Variants in TNK1 observed in about 807,000 individuals in gnomAD.
TNK1 encodes the protein non-receptor tyrosine-protein kinase TNK1.
In TNK1, 53 loss-of-function variants were observed where a neutral mutation model predicts 65.2. The ratio of observed to expected loss-of-function variants is 0.81; its 90% CI spans 0.65 to 1.02. TNK1 has a LOEUF of 1.02. TNK1 is among the 50% of genes least tolerant of loss of function. TNK1 has a pLI of 0.00. For missense variants in TNK1, 837 were observed against 878.4 expected (o/e 0.95, Z 0.60); for synonymous variants, 353 against 364.6 (o/e 0.97, Z 0.36).
chr17:7,386,751 C>T, intron 8 of TNK1, 96 bp downstream of exon 8: 3 of 1,211,932 alleles, frequency 2.5e-6, no homozygotes, highest in Non-Finnish European at 3.5e-6. Context: ...CTCCTTGAAC[C>T]CTGATCTTCT....
At position 7,388,802 on chromosome 17, in the gene TNK1, G is replaced by A. The variant is rs1905378999; in HGVS notation, c.1791G>A (p.Val597=). 18 of 1,607,476 alleles carry A rather than the reference G, an allele frequency of 1.1e-5. No homozygotes were observed. Among genetic ancestry groups the A allele is most frequent in the Non-Finnish European group, 1.2e-5 (14 of 1,176,846 alleles). Residue 597 remains valine, a synonymous_variant, in exon 12 of 13, where the codon GTG becomes GTA. Coordinates refer to ENST00000688331, the MANE Select transcript of TNK1 (RefSeq NM_003985.6). This position sits in a 1 kb window ranked among gnomAD's most constrained non-coding sequence, Gnocchi z 4.5. ...GTCTGTCACAGGTGGAGCTGAGTGT[G>A]CATGGGGTCACCCACCAGGAGTGCC... ...QRKIMEVELS[V]HGVTHQECQT...
Position 7,383,778 on chromosome 17 carries a change from C to A in TNK1, c.496C>A (p.Leu166Met). ...GATGGGCACAGAACTGGGGGACTTC[C>A]TGCGAGAGGTATCGGTCATGATGAA... ...GPMGTELGDF[L>M]REVSVMMNLE... is the part of the protein sequence containing the mutation. The change falls in exon 5 of 13, where the codon CTG (leucine) becomes ATG (methionine). Residue 166 changes from leucine to methionine, a missense_variant. Physicochemically the swap from Leu to Met is conservative, Grantham distance 15. Transcript: ENST00000688331. 6.2e-7 allele frequency: 1 copy of A among 1,613,000 alleles called. No individual in the cohort carries two copies. The highest frequency in any genetic ancestry group is 8.5e-7 in the Non-Finnish European group (1 of 1,179,474).
chr17:7,389,480 T>C lies in TNK1; in HGVS notation c.*396T>C. 2.4e-6 allele frequency: 1 copy of C among 416,388 alleles called. No homozygotes were observed. The highest frequency in any genetic ancestry group is 4.2e-6 in the Non-Finnish European group (1 of 235,910). 25.8% of individuals were successfully genotyped at this position (416,388 alleles called of 1,614,324 possible). A position where few individuals can be genotyped will look rare whatever the true frequency, so the allele number is the denominator to read the frequency against. On this transcript the variant is annotated 3_prime_UTR_variant, in exon 13 of 13. Coordinates refer to ENST00000688331, the MANE Select transcript of TNK1 (RefSeq NM_003985.6). ...CCTGAACTGCCATCAGCTACCACAC[T>C]GGACTCTGCAGGGCAGCCATCCTGG... is the stretch of plus-strand genomic sequence containing the variant.
At chr17:7,380,818 T>C (rs1376370511), upstream of TNK1, 3 of 152,234 alleles carry the variant, frequency 2.0e-5, no homozygotes, top group Non-Finnish European at 4.4e-5. Flanking sequence ...GAGTGAAGTC[T>C]GGGGAGGGCT....
At position 7,388,425 on chromosome 17, in the gene TNK1, G is replaced by T; in HGVS notation, c.1497G>T (p.Glu499Asp). Residue 499 changes from glutamate (E) to aspartate (D), a missense_variant, in exon 11 of 13, where the codon GAG (glutamate) becomes GAT (aspartate). Transcript: ENST00000688331. The surrounding 1 kb of genome is among the most constrained non-coding windows in gnomAD (Gnocchi z 4.5). ...ERMKGISRSL[E>D]SVLSLGPRPT... ...GTGCAGGCATTTCCAGGAGTCTGGA[G>T]TCAGTTCTGTCCCTCGGTCCTCGTC... The T allele has an allele frequency of 6.2e-7, 1 of 1,611,660 alleles. No individual in the cohort carries two copies. The highest frequency in any genetic ancestry group is 8.5e-7 in the Non-Finnish European group (1 of 1,178,648).
At chr17:7,385,548 C>T (rs1455390461) in intron 7 of TNK1, among the ~76,000 whole-genome samples, 6 of 149,594 alleles carry the variant, frequency 4.0e-5, no homozygotes, top group Non-Finnish European at 8.9e-5. Context: ...CTCTCAACCA[C>T]TGGATGAGGT....
chr17:7,381,834 G>T (rs1904831820), intron 1 of TNK1, among the ~76,000 whole-genome samples: 1 of 152,212 alleles, frequency 6.6e-6, no homozygotes, highest in East Asian at 1.9e-4. Flanking sequence ...AGCCGTGTGG[G>T]GCAGTGTATC....
At chr17:7,387,181 G>C in intron 9 of TNK1, 27 bp downstream of exon 9, 1 of 1,547,268 alleles carries the variant, frequency 6.5e-7, no homozygotes, top group Non-Finnish European at 8.7e-7. Flanking sequence ...GTGAGGGCAG[G>C]GGTTGGCTGG....
chr17:7,386,226 G>T lies in TNK1; in HGVS notation c.1138-335G>T, dbSNP rs561407074. On this transcript the variant is annotated intron_variant, in intron 7 of 12. Coordinates refer to ENST00000688331, the MANE Select transcript of TNK1 (RefSeq NM_003985.6). ...AGAGGTCTGGATGAGGGTAGAGGCG[G>T]TGGGGCTGCAGAGGAGTGGAAATTT... Among the ~76,000 whole-genome samples, 92 of 152,312 alleles carry T rather than the reference G, an allele frequency of 6.0e-4. No individual in the cohort carries two copies. The Middle Eastern group carries it at 0.017, about 28-fold the overall frequency.
Position 7,387,004 on chromosome 17 carries a change from T to C in TNK1, c.1247T>C (p.Ile416Thr). 1.3e-6 allele frequency: 2 copies of C among 1,576,102 alleles called. No homozygotes were observed. The highest frequency in any genetic ancestry group is 8.6e-7 in the Non-Finnish European group (1 of 1,160,934). Residue 416 changes from isoleucine (I) to threonine (T), a missense_variant, in exon 9 of 13, where the codon ATC becomes ACC. Ile to Thr is a moderately conservative substitution (Grantham distance 89). Coordinates refer to ENST00000688331, the MANE Select transcript of TNK1 (RefSeq NM_003985.6). ...TVIEGSPDST[I>T]WKGQNGRTFK... ...TCTTTCCACAGCCCCGACTCCACAATCTGGAAGGGCCAGAATGGTCGCACC... is the reference window on the plus strand; with the variant it reads ...TCTTTCCACAGCCCCGACTCCACAACCTGGAAGGGCCAGAATGGTCGCACC...
intron 7 of TNK1, among the ~76,000 whole-genome samples, chr17:7,385,092 C>T (rs1366155506): frequency 2.6e-5 from 4 of 152,104 alleles, no homozygotes; most frequent in African/African-American, 4.8e-5. Flanking sequence ...AGGCCGGGCG[C>T]GGTGGCTCAC....
chr17:7,387,906 A>G (rs886206858), intron 10 of TNK1, among the ~76,000 whole-genome samples: 1 of 152,048 alleles, frequency 6.6e-6, no homozygotes, highest in Non-Finnish European at 1.5e-5. Context: ...GTCCGGCCCT[A>G]TACTGTGGAA....
chr17:7,383,104 C>A lies in TNK1; in HGVS notation c.163+15C>A. 2 of 1,613,740 alleles carry A rather than the reference C, an allele frequency of 1.2e-6. No individual in the cohort carries two copies. Among genetic ancestry groups the A allele is most frequent in the Non-Finnish European group, 1.7e-6 (2 of 1,179,752 alleles). On this transcript the variant is annotated intron_variant, in intron 2 of 12. Transcript: ENST00000688331. ...GGGCCGGCCTGGTGAGGGACCCCTG[C>A]CCCGAGGCCCTGGTCTCTCTGTCCA...
Position 7,384,204 on chromosome 17 carries a change from G to A in TNK1, c.817G>A (p.Ala273Thr), listed in dbSNP as rs1336673333. The A allele has an allele frequency of 2.0e-5, 30 of 1,521,116 alleles. No individual in the cohort carries two copies. The highest frequency in any genetic ancestry group is 1.9e-4 in the Admixed American group (9 of 47,532). 94.2% of individuals were successfully genotyped at this position (1,521,116 alleles called of 1,614,324 possible). A position where few individuals can be genotyped will look rare whatever the true frequency, so the allele number is the denominator to read the frequency against. ...CGGGCTGGTGCGGCCTCTGGGCGGT[G>A]CCCGGGGCCGCTACGTCATGGGCGG... ...DFGLVRPLGG[A>T]RGRYVMGGPR... Residue 273 changes from alanine (A) to threonine (T), a missense_variant, in exon 6 of 13, where the codon GCC becomes ACC. Physicochemically the swap from Ala to Thr is moderately conservative, Grantham distance 58. Transcript: ENST00000688331.
At chr17:7,383,182 C>T (rs138569412) in intron 2 of TNK1, 68 bp from the exon 3 acceptor site, 7 of 1,611,854 alleles carry the variant, frequency 4.3e-6, no homozygotes, top group Non-Finnish European at 5.1e-6. Context: ...CCTTTTCTTC[C>T]CTGTAAGTCT....
Position 7,387,966 on chromosome 17 carries a change from A to G in TNK1, c.1478-440A>G, listed in dbSNP as rs191198536. Among the ~76,000 whole-genome samples, 11 of 152,244 alleles carry G rather than the reference A, an allele frequency of 7.2e-5. No homozygotes were observed. In the East Asian group the frequency reaches 2.1e-3, roughly 29 times the overall value. On this transcript the variant is annotated intron_variant, in intron 10 of 12. Transcript: ENST00000688331. Reference sequence around the variant, plus strand: ...GCCTTCCCTTCTGAAGAGCACCTCCACACTCTGGGCCCTGAGCTCTGAGTT... The same window carrying G: ...GCCTTCCCTTCTGAAGAGCACCTCCGCACTCTGGGCCCTGAGCTCTGAGTT...
chr17:7,381,554 C>T (rs999020919), intron 1 of TNK1, among the ~76,000 whole-genome samples: 5 of 152,190 alleles, frequency 3.3e-5, no homozygotes, highest in Non-Finnish European at 4.4e-5. Context: ...ACTCAGGCTG[C>T]CAGCAGGCAT....
rs771593692 is a variant in TNK1, at chr17:7,388,498, G to A, written c.1570G>A (p.Val524Met). Residue 524 changes from valine (V) to methionine (M), a missense_variant, in exon 11 of 13, where the codon GTG becomes ATG. Transcript: ENST00000688331. This position sits in a 1 kb window ranked among gnomAD's most constrained non-coding sequence, Gnocchi z 4.5. Reference sequence around the variant, plus strand: ...CCCTGAAATTCGACAAGCCAGAGCTGTGCCCCAGGGACCTCCAGGCCTGCC... The same window carrying A: ...CCCTGAAATTCGACAAGCCAGAGCTATGCCCCAGGGACCTCCAGGCCTGCC... ...SPPEIRQARAVPQGPPGLPPR... is the reference protein window; with the variant it reads ...SPPEIRQARAMPQGPPGLPPR... 6.2e-7 allele frequency: 1 copy of A among 1,613,974 alleles called. No homozygotes were observed. The highest frequency in any genetic ancestry group is 1.1e-5 in the South Asian group (1 of 91,086).
chr17:7,387,599 ATC>A, intron 10 of TNK1, 142 bp downstream of exon 10: 9 of 617,296 alleles, frequency 1.5e-5, no homozygotes, highest in South Asian at 2.8e-5. Flanking sequence ...ATACTGTGCA[ATC>A]TATTTTTTTT....
Sources: allele counts gnomAD v4.1 joint callset (sites outside exome capture counted in the v4.1 genomes callset), GRCh38; gene constraint gnomAD v4.1.1; non-coding constraint Gnocchi (gnomAD v3.1); transcripts MANE v1.5; gene names NCBI Gene and HGNC (gene_info 2026-07-23, HGNC 2026-07-21).